Variants in LCN2 observed in about 807,000 individuals in gnomAD.
LCN2 encodes neutrophil gelatinase-associated lipocalin.
In LCN2, 27 loss-of-function variants were observed where a neutral mutation model predicts 26.4. The ratio of observed to expected loss-of-function variants is 1.02; its 90% CI spans 0.76 to 1.41. The LOEUF (loss-of-function observed/expected upper bound fraction) is 1.41, where lower values mean the gene tolerates loss of function less well. Ranked by LOEUF, LCN2 falls within the 40% of genes most tolerant of loss-of-function variation. The pLI, the probability that LCN2 is intolerant of heterozygous loss-of-function variation, is 0.00. For synonymous variants in LCN2, 94 were observed against 98.9 expected, an observed-to-expected ratio of 0.95 and a Z score of 0.30; for missense variants, 224 against 237.6, an observed-to-expected ratio of 0.94 and a Z score of 0.38.
intron 2 of LCN2, 41 bp from the exon 3 acceptor site, chr9:128,151,597 G>A (rs1835006827): frequency 6.5e-7 from 1 of 1,542,376 alleles, no homozygotes. Context: ...GCCCAAGCCT[G>A]GGTTGTCTCC....
At chr9:128,152,359 G>A (rs1588087191) in intron 5 of LCN2, 75 bp downstream of exon 5, 8 of 1,294,408 alleles carry the variant, frequency 6.2e-6, no homozygotes, top group Non-Finnish European at 8.9e-6. Flanking sequence ...CAGGGATCAG[G>A]GAGAGGAGGG....
chr9:128,149,985 A>T (rs1326207612), intron 1 of LCN2, among the ~76,000 whole-genome samples: 3 of 151,634 alleles, frequency 2.0e-5, no homozygotes, highest in African/African-American at 7.3e-5. Flanking sequence ...CACCAGCCAC[A>T]TGCCTCCTCC....
At chr9:128,151,506 G>T in intron 2 of LCN2, 132 bp from the exon 3 acceptor site, 1 of 715,060 alleles carries the variant, frequency 1.4e-6, no homozygotes, top group South Asian at 1.6e-5. Context: ...GGTAGTGGGG[G>T]ATGAGCTGTC....
chr9:128,150,332 T>G lies in LCN2; in HGVS notation c.233T>G (p.Leu78Arg). The change falls in exon 2 of 7, where the codon CTG (leucine) becomes CGG (arginine). Residue 78 changes from leucine to arginine, a missense_variant. Coordinates refer to ENST00000277480, the MANE Select transcript of LCN2 (RefSeq NM_005564.5). ...AAGATGTATGCCACCATCTATGAGC[T>G]GAAAGAAGACAAGAGCTACAATGTC... is the stretch of plus-strand genomic sequence containing the variant. ...PQKMYATIYELKEDKSYNVTS... is the reference protein window; with the variant it reads ...PQKMYATIYERKEDKSYNVTS... 1 of 1,614,126 alleles carries G rather than the reference T, an allele frequency of 6.2e-7. No homozygotes were observed. The highest frequency in any genetic ancestry group is 2.2e-5 in the East Asian group (1 of 44,868).
intron 2 of LCN2, 65 bp downstream of exon 2, chr9:128,150,439 A>T (rs1288060122): frequency 6.2e-7 from 1 of 1,601,112 alleles, no homozygotes; most frequent in East Asian, 2.2e-5. Flanking sequence ...GGATGGCCAA[A>T]GCTGAGGGAT....
In LCN2 at chr9:128,151,827, T is replaced by C. The variant is rs910496781; in HGVS notation, c.356-79T>C. On this transcript the variant is annotated intron_variant, in intron 3 of 6. Transcript: ENST00000277480. ...TGTGTTGTATGGGGAGAAGCCCACG[T>C]TGATGGGCTGGGGAGGGAGGGGACA... The C allele has an allele frequency of 1.6e-5, 25 of 1,599,406 alleles. 3 individuals carry two copies. The East Asian group carries it at 4.3e-4, about 27-fold the overall frequency.
chr9:128,149,851 C>T (rs1834988224), intron 1 of LCN2, among the ~76,000 whole-genome samples, 188 bp downstream of exon 1: 1 of 149,084 alleles, frequency 6.7e-6, no homozygotes, highest in Non-Finnish European at 1.5e-5. Context: ...ATCCCCACCC[C>T]CTCTCAGCCT....
In LCN2 at chr9:128,150,262, G is replaced by A. The variant is rs759401556; in HGVS notation, c.163G>A (p.Gly55Ser). Residue 55 changes from glycine to serine, a missense_variant, in exon 2 of 7, where the codon GGC (glycine) becomes AGC (serine). Physicochemically the swap from Gly to Ser is moderately conservative, Grantham distance 56. Transcript: ENST00000277480. ...GTTCCAGGGGAAGTGGTATGTGGTA[G>A]GCCTGGCAGGGAATGCAATTCTCAG... ...NQFQGKWYVV[G>S]LAGNAILRED... 2 of 1,614,112 alleles carry A rather than the reference G, an allele frequency of 1.2e-6. No homozygotes were observed. Among genetic ancestry groups the A allele is most frequent in the Non-Finnish European group, 1.7e-6 (2 of 1,179,988 alleles).
chr9:128,151,955 C>T lies in LCN2; in HGVS notation c.405C>T (p.Tyr135=). 2 of 1,614,142 alleles carry T rather than the reference C, an allele frequency of 1.2e-6. No homozygotes were observed. The highest frequency in any genetic ancestry group is 2.2e-5 in the South Asian group (2 of 91,090). Residue 135 remains tyrosine (Y), a synonymous_variant, in exon 4 of 7, where the codon TAC becomes TAT. Transcript: ENST00000277480. The part of the protein sequence containing the change: ...SYLVRVVSTN[Y]NQHAMVFFKK... Reference sequence around the variant, plus strand: ...TCGTCCGAGTGGTGAGCACCAACTACAACCAGCATGCTATGGTGTTCTTCA... The same window carrying T: ...TCGTCCGAGTGGTGAGCACCAACTATAACCAGCATGCTATGGTGTTCTTCA...
In LCN2 at chr9:128,153,326, C is replaced by T. The variant is rs373690406; in HGVS notation, c.*23C>T. 2.8e-5 allele frequency: 18 copies of T among 642,290 alleles called. No homozygotes were observed. Among genetic ancestry groups the T allele is most frequent in the East Asian group, 5.5e-5 (2 of 36,048 alleles). 39.8% of individuals were successfully genotyped at this position (642,290 alleles called of 1,614,324 possible). A position where few individuals can be genotyped will look rare whatever the true frequency, so the allele number is the denominator to read the frequency against. ...CTCTGTCCAGGGTGCCGCCAGCTGC[C>T]GCACCAGCCCGAACACCATTGAGGG... On this transcript the variant is annotated 3_prime_UTR_variant, in exon 7 of 7. Transcript: ENST00000277480. The surrounding 1 kb of genome is among the most constrained non-coding windows in gnomAD (Gnocchi z 5.4).
At position 128,149,501 on chromosome 9, in the gene LCN2, C is replaced by T. The variant is rs1296754268; in HGVS notation, c.-25C>T. On this transcript the variant is annotated 5_prime_UTR_variant, in exon 1 of 7. Coordinates refer to ENST00000277480, the MANE Select transcript of LCN2 (RefSeq NM_005564.5). The stretch of plus-strand genomic sequence containing the variant: ...CTGCCAGGCCCAGCAGCCACCACAG[C>T]GCCTGCTTCCTCGGCCCTGAAATCA... 7 of 1,577,998 alleles carry T rather than the reference C, an allele frequency of 4.4e-6. No individual in the cohort carries two copies. Among genetic ancestry groups the T allele is most frequent in the African/African-American group, 1.4e-5 (1 of 73,890 alleles).
Position 128,151,981 on chromosome 9 carries a change from A to C in LCN2, c.431A>C (p.Lys144Thr), listed in dbSNP as rs145071103. The part of the protein sequence containing the change: ...NYNQHAMVFF[K>T]KVSQNREYFK... ...AACCAGCATGCTATGGTGTTCTTCA[A>C]GAAAGTTTCTCAAAACAGGGAGTAC... Residue 144 changes from lysine (K) to threonine (T), a missense_variant, in exon 4 of 7, where the codon AAG becomes ACG. Coordinates refer to ENST00000277480, the MANE Select transcript of LCN2 (RefSeq NM_005564.5). 6.2e-6 allele frequency: 10 copies of C among 1,614,034 alleles called. No homozygotes were observed. The African/African-American group carries it at 1.3e-4, about 22-fold the overall frequency.
chr9:128,150,197 A>G, intron 1 of LCN2, 41 bp from the exon 2 acceptor site: 1 of 1,592,428 alleles, frequency 6.3e-7, no homozygotes, highest in East Asian at 2.2e-5. Flanking sequence ...GGTGGCTCCT[A>G]GGGCCATTCC....
At chr9:128,151,154 G>A (rs1318813951) in intron 2 of LCN2, among the ~76,000 whole-genome samples, 3 of 152,100 alleles carry the variant, frequency 2.0e-5, no homozygotes, top group Non-Finnish European at 4.4e-5. Context: ...GGTGCCAGGG[G>A]ATGGGAAGTG....
At chr9:128,152,111 G>T in intron 4 of LCN2, 72 bp from the exon 5 acceptor site, 1 of 1,607,356 alleles carries the variant, frequency 6.2e-7, no homozygotes, top group South Asian at 1.1e-5. Flanking sequence ...GAAGGGATCT[G>T]AGGCCTCATC....
intron 1 of LCN2, 128 bp downstream of exon 1, chr9:128,149,791 T>C: frequency 8.7e-7 from 1 of 1,143,596 alleles, no homozygotes; most frequent in Non-Finnish European, 1.2e-6. Context: ...AGGTTTCAGC[T>C]CACTCTGTGC....
In LCN2 at chr9:128,149,536, G is replaced by A. The variant is rs748165007; in HGVS notation, c.11G>A (p.Gly4Asp). Reference sequence around the variant, plus strand: ...CTCGGCCCTGAAATCATGCCCCTAGGTCTCCTGTGGCTGGGCCTAGCCCTG... The same window carrying A: ...CTCGGCCCTGAAATCATGCCCCTAGATCTCCTGTGGCTGGGCCTAGCCCTG... MPLGLLWLGLALLG... is the reference protein window; with the variant it reads MPLDLLWLGLALLG... The change falls in exon 1 of 7, where the codon GGT (glycine) becomes GAT (aspartate). Residue 4 changes from glycine (G) to aspartate (D), a missense_variant. By Grantham distance (94) the Gly-to-Asp change is moderately conservative (BLOSUM62 -1). Coordinates refer to ENST00000277480, the MANE Select transcript of LCN2 (RefSeq NM_005564.5). The A allele has an allele frequency of 1.1e-5, 17 of 1,612,038 alleles. No individual in the cohort carries two copies. In the Admixed American group the frequency reaches 2.8e-4, roughly 27 times the overall value.
chr9:128,150,615 G>C, intron 2 of LCN2: 1 of 657,976 alleles, frequency 1.5e-6, no homozygotes, highest in Admixed American at 2.1e-5. Flanking sequence ...GGGTGCCTGG[G>C]AGCGGGAGGA....
rs146332865 is a variant in LCN2 at position 128,150,926 on chromosome 9, G to C, written c.275+552G>C. 4.6e-5 allele frequency among the ~76,000 whole-genome samples: 7 copies of C among 152,348 alleles called. No homozygotes were observed. In the East Asian group the frequency reaches 1.4e-3, roughly 29 times the overall value. ...AGCAGGGCTCTTGGGCCGCAGGGTG[G>C]GGAGACTTGGTGGGGTGCAGCCTAG... On this transcript the variant is annotated intron_variant, in intron 2 of 6. Coordinates refer to ENST00000277480, the MANE Select transcript of LCN2 (RefSeq NM_005564.5).
Sources: allele counts gnomAD v4.1 joint callset (sites outside exome capture counted in the v4.1 genomes callset), GRCh38; gene constraint gnomAD v4.1.1; non-coding constraint Gnocchi (gnomAD v3.1); transcripts MANE v1.5; gene names NCBI Gene and HGNC (gene_info 2026-07-23, HGNC 2026-07-21).